The following BEND4 variants were observed in gnomAD, a reference collection of about 807,000 sequenced individuals.
The protein encoded by BEND4 is BEN domain-containing protein 4.
In BEND4, 27 loss-of-function variants were observed where a neutral mutation model predicts 54.7. The ratio of observed to expected loss-of-function variants is 0.49; its 90% CI spans 0.36 to 0.68. The LOEUF (loss-of-function observed/expected upper bound fraction) is 0.68. Among genes scored for constraint, BEND4 ranks in the 30% least tolerant of loss-of-function variants. BEND4 has a pLI of 0.00. For synonymous variants in BEND4, 327 were observed against 299.5 expected (o/e 1.09, Z -0.95); for missense variants, 702 against 697.2 (o/e 1.01, Z -0.08).
intron 3 of BEND4, among the ~76,000 whole-genome samples, chr4:42,130,949 A>G (rs1720485445): frequency 6.6e-6 from 1 of 152,250 alleles, no homozygotes; most frequent in Admixed American, 6.5e-5. Context: ...CATTATCCTC[A>G]GCAAACTAAT....
chr4:42,137,146 A>C, intron 3 of BEND4, among the ~76,000 whole-genome samples: 1 of 152,148 alleles, frequency 6.6e-6, no homozygotes, highest in East Asian at 1.9e-4. Context: ...CCAGGTCTCA[A>C]CCTCCTTGTC....
intron 2 of BEND4, among the ~76,000 whole-genome samples, chr4:42,144,812 A>G (rs1721022262): frequency 6.6e-6 from 1 of 152,228 alleles, no homozygotes; most frequent in African/African-American, 2.4e-5. Context: ...AGCAAAAAGC[A>G]AACAAAAGCA....
chr4:42,119,086 C>T (rs1176286754), intron 5 of BEND4, among the ~76,000 whole-genome samples: 1 of 152,128 alleles, frequency 6.6e-6, no homozygotes, highest in Non-Finnish European at 1.5e-5. Flanking sequence ...ATCTCAGCTG[C>T]TAACAAAAAC....
At chr4:42,137,473 G>A (rs1343116588) in intron 3 of BEND4, among the ~76,000 whole-genome samples, 1 of 152,084 alleles carries the variant, frequency 6.6e-6, no homozygotes, top group South Asian at 2.1e-4. Context: ...TAATTTTTTA[G>A]GTATCATAAA....
At position 42,143,511 on chromosome 4, in the gene BEND4, G is replaced by A; in HGVS notation, c.971C>T (p.Pro324Leu). ...CTCCTGCTCCAGCTCTTGGCATCGA[G>A]GACAATAGCCTTCCTCGTCCTCCTC... ...EEEEDEEGYC[P>L]RCQELEQEVI... The change falls in exon 3 of 6, where the codon CCT becomes CTT. Residue 324 changes from proline to leucine, a missense_variant. Transcript: ENST00000502486. The A allele has an allele frequency of 6.4e-7, 1 of 1,552,902 alleles. No homozygotes were observed. The highest frequency in any genetic ancestry group is 8.7e-7 in the Non-Finnish European group (1 of 1,147,524).
At chr4:42,137,986 C>G (rs1720751340) in intron 3 of BEND4, among the ~76,000 whole-genome samples, 1 of 152,092 alleles carries the variant, frequency 6.6e-6, no homozygotes, top group South Asian at 2.1e-4. Context: ...CCCTTGTACA[C>G]CATTGGTGGG....
chr4:42,138,043 C>G (rs55740238), intron 3 of BEND4, among the ~76,000 whole-genome samples: 4,922 of 152,096 alleles, frequency 0.032, 220 homozygotes, highest in African/African-American at 0.098. Context: ...TGGAATTTTC[C>G]TAGAAAATTA....
Position 42,123,847 on chromosome 4 carries a change from G to A in BEND4, c.1146+1736C>T, listed in dbSNP as rs570442246. On this transcript the variant is annotated intron_variant, in intron 4 of 5. Coordinates refer to ENST00000502486, the MANE Select transcript of BEND4 (RefSeq NM_207406.4). ...TTAGACGTAGGAAGTAAGGGGGTCA[G>A]TGATATGTCAGAAACTTCTACCTGG... Among the ~76,000 whole-genome samples, 5 of 152,276 alleles carry A rather than the reference G, an allele frequency of 3.3e-5. No individual in the cohort carries two copies. The South Asian group carries it at 1.0e-3, about 32-fold the overall frequency.
Position 42,115,319 on chromosome 4 carries a change from C to T in BEND4, c.*2199G>A, listed in dbSNP as rs1719759981. ...CCAAAACACAGGCTGCTGCCCCCCG[C>T]CCTTGCAGCAGTGGTGCAGGTGCGT... On this transcript the variant is annotated 3_prime_UTR_variant, in exon 6 of 6. Coordinates refer to ENST00000502486, the MANE Select transcript of BEND4 (RefSeq NM_207406.4). 6.6e-6 allele frequency: 1 copy of T among 152,246 alleles called. No homozygotes were observed. The highest frequency in any genetic ancestry group is 2.4e-5 in the African/African-American group (1 of 41,452). The allele number at this position is 152,246 out of a possible 1,614,324, so 9.4% of individuals were successfully genotyped here.
chr4:42,118,760 C>T (rs566612440), intron 5 of BEND4, among the ~76,000 whole-genome samples: 5 of 152,052 alleles, frequency 3.3e-5, no homozygotes, highest in African/African-American at 1.2e-4. Context: ...AGCCCCCAAG[C>T]TCAACACTGC....
In BEND4 at chr4:42,143,833, T is replaced by A; in HGVS notation, c.649A>T (p.Ile217Phe). ...SYNERQEHCH[I>F]GKGVHSQTSD... ...GTCTGACTGTGGACCCCTTTCCCAA[T>A]GTGACAGTGCTCCTGTCTTTCGTTG... Residue 217 changes from isoleucine to phenylalanine, a missense_variant, in exon 3 of 6, where the codon ATT becomes TTT. By Grantham distance (21) the Ile-to-Phe change is conservative. Transcript: ENST00000502486. The A allele has an allele frequency of 6.3e-7, 1 of 1,578,080 alleles. No individual in the cohort carries two copies. The highest frequency in any genetic ancestry group is 8.6e-7 in the Non-Finnish European group (1 of 1,163,472).
At chr4:42,118,593 T>C (rs1416869333) in intron 5 of BEND4, among the ~76,000 whole-genome samples, 3 of 152,198 alleles carry the variant, frequency 2.0e-5, no homozygotes, top group Admixed American at 1.3e-4. Flanking sequence ...TTCTCTGGGA[T>C]GTATTTTAAT....
intron 3 of BEND4, among the ~76,000 whole-genome samples, chr4:42,138,626 T>C (rs1186707185): frequency 1.3e-5 from 2 of 152,222 alleles, no homozygotes; most frequent in African/African-American, 4.8e-5. Context: ...TGTGAGATGA[T>C]AGATACAGCT....
chr4:42,147,881 C>T (rs1302148249), intron 2 of BEND4, among the ~76,000 whole-genome samples: 1 of 152,046 alleles, frequency 6.6e-6, no homozygotes, highest in Admixed American at 6.6e-5. Flanking sequence ...CTTTACCGCC[C>T]CTCTTTGTAA....
chr4:42,131,804 A>T (rs1720517066), intron 3 of BEND4, among the ~76,000 whole-genome samples: 1 of 152,054 alleles, frequency 6.6e-6, no homozygotes, highest in African/African-American at 2.4e-5. Context: ...AAAAAAAAAA[A>T]ATAGCCAAAA....
At position 42,139,897 on chromosome 4, in the gene BEND4, T is replaced by C. The variant is rs77249556; in HGVS notation, c.1054+3531A>G. Among the ~76,000 whole-genome samples the C allele has an allele frequency of 2.4e-3, 369 of 152,338 alleles. 1 individual carries two copies. The highest frequency in any genetic ancestry group is 8.6e-3 in the African/African-American group (357 of 41,570). ...CTTAGGGAAAATCCATCCCAAATTATGTAGGAGGGTTACAGTATGACAAAA... is the reference window on the plus strand; with the variant it reads ...CTTAGGGAAAATCCATCCCAAATTACGTAGGAGGGTTACAGTATGACAAAA... On this transcript the variant is annotated intron_variant, in intron 3 of 5. Transcript: ENST00000502486.
At chr4:42,125,885 C>T (rs1365170198) in intron 3 of BEND4, among the ~76,000 whole-genome samples, 5 of 151,914 alleles carry the variant, frequency 3.3e-5, no homozygotes, top group African/African-American at 4.8e-5. Context: ...ACTACAGGTG[C>T]GCACCACTGC....
Position 42,113,966 on chromosome 4 carries a change from T to G in BEND4, c.*3552A>C, listed in dbSNP as rs1191385698. The G allele has an allele frequency of 6.6e-6, 1 of 152,124 alleles. No individual in the cohort carries two copies. The highest frequency in any genetic ancestry group is 2.1e-4 in the South Asian group (1 of 4,824). 9.4% of individuals were successfully genotyped at this position (152,124 alleles called of 1,614,324 possible). ...GGTGGAATGAGGAAAACCAAAAAAG[T>G]GATGCGCGGGTTCAAGGGCTAGAGG... On this transcript the variant is annotated 3_prime_UTR_variant, in exon 6 of 6. Coordinates refer to ENST00000502486, the MANE Select transcript of BEND4 (RefSeq NM_207406.4).
In BEND4 at chr4:42,113,316, A is replaced by T. The variant is rs1426254377; in HGVS notation, c.*4202T>A. 1 of 152,358 alleles carries T rather than the reference A, an allele frequency of 6.6e-6. No homozygotes were observed. Among genetic ancestry groups the T allele is most frequent in the South Asian group, 2.1e-4 (1 of 4,832 alleles). 9.4% of individuals were successfully genotyped at this position (152,358 alleles called of 1,614,324 possible). The stretch of plus-strand genomic sequence containing the variant: ...AGCTATTATCCATGGATGACATTTC[A>T]AAAAAATAATTGAAACCTAAGAAAC... On this transcript the variant is annotated 3_prime_UTR_variant, in exon 6 of 6. Coordinates refer to ENST00000502486, the MANE Select transcript of BEND4 (RefSeq NM_207406.4).
Sources: allele counts gnomAD v4.1 joint callset (sites outside exome capture counted in the v4.1 genomes callset), GRCh38; gene constraint gnomAD v4.1.1; transcripts MANE v1.5; gene names NCBI Gene and HGNC (gene_info 2026-07-23, HGNC 2026-07-21).